Variants in PCGF5 observed in about 807,000 individuals in gnomAD.
PCGF5 encodes polycomb group RING finger protein 5.
A neutral mutation model predicts 44.3 loss-of-function variants in PCGF5; 9 were observed. The ratio of observed to expected loss-of-function variants is 0.20; its 90% CI spans 0.12 to 0.35. The LOEUF is 0.35. PCGF5 is among the 10% of genes least tolerant of loss of function. The probability of loss-of-function intolerance (pLI) is 1.00; values close to 1 mark genes in which losing one functional copy is unlikely to be tolerated. For synonymous variants in PCGF5, 95 were observed against 102.5 expected, an observed-to-expected ratio of 0.93 and a Z score of 0.44; for missense variants, 146 against 305.3, an observed-to-expected ratio of 0.48 and a Z score of 3.89.
intron 6 of PCGF5, among the ~76,000 whole-genome samples, chr10:91,260,146 C>A (rs1305381557): frequency 8.1e-6 from 1 of 122,776 alleles, no homozygotes; most frequent in African/African-American, 4.4e-5. Context: ...AAAAAGTGGG[C>A]AAAGGGTATG....
intron 2 of PCGF5, among the ~76,000 whole-genome samples, chr10:91,235,483 C>T (rs996918439): frequency 3.3e-5 from 5 of 151,994 alleles, no homozygotes; most frequent in African/African-American, 9.7e-5. Context: ...GCAGGAGGAT[C>T]GCTTTAATGT....
chr10:91,264,925 A>G (rs1345906389), intron 8 of PCGF5, among the ~76,000 whole-genome samples: 2 of 152,148 alleles, frequency 1.3e-5, no homozygotes, highest in Non-Finnish European at 2.9e-5. Flanking sequence ...GAGGGGACAC[A>G]TAGGGTAGAA....
intron 1 of PCGF5, among the ~76,000 whole-genome samples, chr10:91,201,315 C>G (rs533732032): frequency 6.6e-6 from 1 of 152,236 alleles, no homozygotes; most frequent in South Asian, 2.1e-4. Context: ...GCTCAGGTCT[C>G]TCTTCATGTA....
rs1846485325 is a variant in PCGF5, at chr10:91,282,778, G to A, written c.*4462G>A. The A allele has an allele frequency of 6.6e-6, 1 of 152,572 alleles. No homozygotes were observed. Among genetic ancestry groups the A allele is most frequent in the Admixed American group, 6.5e-5 (1 of 15,274 alleles). 9.5% of individuals were successfully genotyped at this position (152,572 alleles called of 1,614,324 possible). ...CTGGTTTATCATAAGGAATTTTCCA[G>A]AAAGCTAAGCTTTATACTAATAAGA... On this transcript the variant is annotated 3_prime_UTR_variant, in exon 10 of 10. Coordinates refer to ENST00000336126, the MANE Select transcript of PCGF5 (RefSeq NM_032373.5).
rs35953673 is a variant in PCGF5, at chr10:91,264,843, G to A, written c.663+323G>A. Among the ~76,000 whole-genome samples the A allele has an allele frequency of 6.6e-5, 10 of 152,244 alleles. No individual in the cohort carries two copies. The East Asian group carries it at 1.9e-3, about 29-fold the overall frequency. On this transcript the variant is annotated intron_variant, in intron 8 of 9. Transcript: ENST00000336126. ...TGGAACATTTATGTATATGGAATGG[G>A]AGTGGGGGAAACTTAAGTTCTCCCC...
At chr10:91,163,406 C>T (rs893289776) in intron 1 of PCGF5, among the ~76,000 whole-genome samples, 16 of 151,946 alleles carry the variant, frequency 1.1e-4, no homozygotes, top group Non-Finnish European at 2.4e-4. Context: ...GCCGCGGCCC[C>T]GCCGCGGGAG....
chr10:91,229,388 C>T (rs903772686), intron 2 of PCGF5, among the ~76,000 whole-genome samples: 2 of 152,040 alleles, frequency 1.3e-5, no homozygotes, highest in Non-Finnish European at 2.9e-5. Flanking sequence ...GCCATCTGAG[C>T]AGGGACTAAA....
chr10:91,241,600 TC>T (rs1412471223), intron 3 of PCGF5, among the ~76,000 whole-genome samples: 1 of 151,752 alleles, frequency 6.6e-6, no homozygotes, highest in Admixed American at 6.6e-5. Flanking sequence ...AAGAAACTAC[TC>T]GTCTAGAATC....
chr10:91,264,518 A>C lies in PCGF5; in HGVS notation c.661A>C (p.Asn221His). The change falls in exon 8 of 10, where the codon AAC (asparagine) becomes CAC (histidine). Residue 221 changes from asparagine (N) to histidine (H), a missense_variant and splice_region_variant. By Grantham distance (68) the Asn-to-His change is moderately conservative. Transcript: ENST00000336126. ...GACAAGATGGCGACTAAGAGGCGAA[A>C]ACGTAAATTGCTTTTATATTTACCT... ...YMTRWRLRGE[N>H]FRCLNCSASQ... 6.2e-7 allele frequency: 1 copy of C among 1,604,804 alleles called. No homozygotes were observed. Among genetic ancestry groups the C allele is most frequent in the South Asian group, 1.1e-5 (1 of 90,022 alleles).
intron 1 of PCGF5, among the ~76,000 whole-genome samples, chr10:91,198,840 C>G (rs1260181084): frequency 6.6e-6 from 1 of 152,216 alleles, no homozygotes; most frequent in Non-Finnish European, 1.5e-5. Context: ...TGGGTTATTT[C>G]TACCCCATGG....
At position 91,279,029 on chromosome 10, in the gene PCGF5, A is replaced by G. The variant is rs1225044717; in HGVS notation, c.*713A>G. 3 of 152,592 alleles carry G rather than the reference A, an allele frequency of 2.0e-5. No individual in the cohort carries two copies. The highest frequency in any genetic ancestry group is 4.8e-5 in the African/African-American group (2 of 41,452). 9.5% of individuals were successfully genotyped at this position (152,592 alleles called of 1,614,324 possible). On this transcript the variant is annotated 3_prime_UTR_variant, in exon 10 of 10. Transcript: ENST00000336126. Reference sequence around the variant, plus strand: ...ACTGAAGTTAGATTCCCAACCATTCAAAATGTTGGCAGCTGATCACATTTA... The same window carrying G: ...ACTGAAGTTAGATTCCCAACCATTCGAAATGTTGGCAGCTGATCACATTTA...
intron 8 of PCGF5, among the ~76,000 whole-genome samples, chr10:91,267,427 A>AT (rs1846073381): frequency 6.6e-6 from 1 of 152,084 alleles, no homozygotes; most frequent in Non-Finnish European, 1.5e-5. Flanking sequence ...GAGGACAGGG[A>AT]TTTTTGTTTG....
At chr10:91,210,659 G>A (rs1447068008) in intron 1 of PCGF5, among the ~76,000 whole-genome samples, 1 of 152,196 alleles carries the variant, frequency 6.6e-6, no homozygotes, top group East Asian at 1.9e-4. Flanking sequence ...AAGCAGAAAG[G>A]CTGTTTCAGT....
chr10:91,234,847 T>G (rs1417636551), intron 2 of PCGF5, among the ~76,000 whole-genome samples: 1 of 152,256 alleles, frequency 6.6e-6, no homozygotes, highest in Non-Finnish European at 1.5e-5. Flanking sequence ...ATGGCAGTAC[T>G]GGGATTCAGA....
At chr10:91,167,739 G>C (rs1195414161) in intron 1 of PCGF5, among the ~76,000 whole-genome samples, 3 of 152,138 alleles carry the variant, frequency 2.0e-5, no homozygotes, top group Non-Finnish European at 4.4e-5. Context: ...TTTTAAATGG[G>C]GGAATGATGT....
At chr10:91,199,320 G>T (rs112279441) in intron 1 of PCGF5, among the ~76,000 whole-genome samples, 3 of 152,334 alleles carry the variant, frequency 2.0e-5, no homozygotes, top group Admixed American at 6.5e-5. Flanking sequence ...AGGCAGCAAG[G>T]GGGGCAGAAA....
intron 3 of PCGF5, among the ~76,000 whole-genome samples, chr10:91,245,498 G>T (rs1845437001): frequency 6.6e-6 from 1 of 151,404 alleles, no homozygotes; most frequent in Non-Finnish European, 1.5e-5. Flanking sequence ...GTGGGGGGGT[G>T]CTGTCAAGTG....
intron 1 of PCGF5, among the ~76,000 whole-genome samples, chr10:91,186,706 A>T (rs1379535613): frequency 6.6e-6 from 1 of 152,056 alleles, no homozygotes; most frequent in Admixed American, 6.6e-5. Flanking sequence ...CCTAGATTCA[A>T]CTAGGGATGT....
chr10:91,248,219 A>G (rs1284569942), intron 3 of PCGF5, among the ~76,000 whole-genome samples: 2 of 152,098 alleles, frequency 1.3e-5, no homozygotes, highest in Non-Finnish European at 1.5e-5. Context: ...CGTATTTCCA[A>G]GGCAGGGGAA....
Sources: gnomAD v4.1 joint callset for allele counts (sites outside exome capture counted in the v4.1 genomes callset) on GRCh38, gnomAD v4.1.1 for gene constraint, MANE v1.5 for transcripts, NCBI Gene and HGNC (gene_info 2026-07-23, HGNC 2026-07-21) for gene names.